FBXL7: variants seen among roughly 807,000 people sequenced by gnomAD.
FBXL7 encodes the protein F-box/LRR-repeat protein 7.
FBXL7 carries 12 observed loss-of-function variants against 38.3 expected under a neutral mutation model. The ratio of observed to expected loss-of-function variants is 0.31; its 90% CI spans 0.20 to 0.51. The LOEUF (loss-of-function observed/expected upper bound fraction) is 0.51, where lower values mean the gene tolerates loss of function less well. Ranked by LOEUF, FBXL7 falls within the 20% of genes least tolerant of loss-of-function variation. The pLI is 0.98. For synonymous variants in FBXL7, 297 were observed against 300.9 expected, an observed-to-expected ratio of 0.99 and a Z score of 0.13; for missense variants, 567 against 676.4, an observed-to-expected ratio of 0.84 and a Z score of 1.79.
intron 2 of FBXL7, among the ~76,000 whole-genome samples, chr5:15,751,015 T>A (rs1736141086): frequency 1.3e-5 from 2 of 152,178 alleles, no homozygotes; most frequent in Non-Finnish European, 2.9e-5. Context: ...GCTTTATACC[T>A]GTTCCATTGA....
chr5:15,625,124 G>A (rs753000756), intron 2 of FBXL7, among the ~76,000 whole-genome samples: 4 of 152,054 alleles, frequency 2.6e-5, no homozygotes, highest in African/African-American at 4.8e-5. Context: ...CAGACATTCT[G>A]TTATAGCAAC....
intron 1 of FBXL7, among the ~76,000 whole-genome samples, chr5:15,604,502 GT>G (rs1305191649): frequency 2.6e-5 from 4 of 152,102 alleles, no homozygotes; most frequent in African/African-American, 9.7e-5. Context: ...CTACAGGCGT[GT>G]GCCACCACAC....
intron 2 of FBXL7, among the ~76,000 whole-genome samples, chr5:15,666,845 G>C (rs1742299103): frequency 1.3e-5 from 2 of 152,154 alleles, no homozygotes; most frequent in Non-Finnish European, 2.9e-5. Flanking sequence ...AAAATAAAGT[G>C]AGATGGCTCT....
chr5:15,853,033 ATG>A (rs1739147740), intron 2 of FBXL7, among the ~76,000 whole-genome samples: 1 of 152,182 alleles, frequency 6.6e-6, no homozygotes, highest in African/African-American at 2.4e-5. Flanking sequence ...CCTCTTCTCT[ATG>A]AGGCAGATCA....
chr5:15,906,539 A>C (rs1014763413), intron 2 of FBXL7, among the ~76,000 whole-genome samples: 12 of 144,160 alleles, frequency 8.3e-5, no homozygotes, highest in Non-Finnish European at 1.8e-4. Context: ...ATTATACTCT[A>C]AGTTTTAGGG....
chr5:15,771,504 C>T (rs1200643838), intron 2 of FBXL7, among the ~76,000 whole-genome samples: 3 of 152,152 alleles, frequency 2.0e-5, no homozygotes, highest in Non-Finnish European at 4.4e-5. Flanking sequence ...ATATAATCAT[C>T]AGTACCTTGG....
At chr5:15,745,625 GA>G (rs1232741265) in intron 2 of FBXL7, among the ~76,000 whole-genome samples, 1 of 152,080 alleles carries the variant, frequency 6.6e-6, no homozygotes, top group Admixed American at 6.5e-5. Flanking sequence ...ATATGTCTAG[GA>G]AAAAAACATT....
chr5:15,752,670 T>G (rs1414055813), intron 2 of FBXL7, among the ~76,000 whole-genome samples: 1 of 152,236 alleles, frequency 6.6e-6, no homozygotes, highest in Non-Finnish European at 1.5e-5. Context: ...TAAAGGACTT[T>G]GCAGACTTCT....
At chr5:15,842,377 T>C (rs187490274) in intron 2 of FBXL7, among the ~76,000 whole-genome samples, 84 of 152,354 alleles carry the variant, frequency 5.5e-4, no homozygotes, top group Non-Finnish European at 9.0e-4. Flanking sequence ...ACCCAATACC[T>C]GTACCCACAT....
intron 2 of FBXL7, among the ~76,000 whole-genome samples, chr5:15,754,288 G>C (rs575476224): frequency 6.6e-6 from 1 of 152,312 alleles, no homozygotes; most frequent in South Asian, 2.1e-4. Flanking sequence ...CAATGGGCAA[G>C]TGCTACGAGT....
Position 15,937,241 on chromosome 5 carries a change from T to G in FBXL7, c.*55T>G. The G allele has an allele frequency of 6.8e-7, 1 of 1,473,152 alleles. No individual in the cohort carries two copies. Among genetic ancestry groups the G allele is most frequent in the Non-Finnish European group, 9.0e-7 (1 of 1,114,588 alleles). The allele number at this position is 1,473,152 out of a possible 1,614,324, so 91.3% of individuals were successfully genotyped here. A position where few individuals can be genotyped will look rare whatever the true frequency, so the allele number is the denominator to read the frequency against. Reference sequence around the variant, plus strand: ...ACACAAACCTGAACAAAGCAAATTTTTTTAAAAGCAGCGTATGTAAGCACC... The same window carrying G: ...ACACAAACCTGAACAAAGCAAATTTGTTTAAAAGCAGCGTATGTAAGCACC... On this transcript the variant is annotated 3_prime_UTR_variant, in exon 4 of 4. Transcript: ENST00000504595.
chr5:15,663,673 A>G (rs1007184149), intron 2 of FBXL7, among the ~76,000 whole-genome samples: 4 of 152,190 alleles, frequency 2.6e-5, no homozygotes, highest in Non-Finnish European at 5.9e-5. Flanking sequence ...GATGAAGCCT[A>G]CTTTATCGTG....
intron 2 of FBXL7, among the ~76,000 whole-genome samples, chr5:15,906,187 T>C (rs997178243): frequency 4.6e-5 from 7 of 152,124 alleles, no homozygotes; most frequent in African/African-American, 1.7e-4. Context: ...TTTTTAATGA[T>C]ATTGCAAAAT....
chr5:15,787,060 G>A (rs956207801), intron 2 of FBXL7, among the ~76,000 whole-genome samples: 1 of 152,150 alleles, frequency 6.6e-6, no homozygotes, highest in Non-Finnish European at 1.5e-5. Flanking sequence ...AACAGCTGGG[G>A]CCACCAGCAG....
At chr5:15,584,923 G>A (rs1347472736) in intron 1 of FBXL7, among the ~76,000 whole-genome samples, 1 of 152,212 alleles carries the variant, frequency 6.6e-6, no homozygotes, top group African/African-American at 2.4e-5. Flanking sequence ...GGAGAGAGCA[G>A]GGGAAACTGC....
chr5:15,532,127 C>T (rs1188810612), intron 1 of FBXL7, among the ~76,000 whole-genome samples: 1 of 152,114 alleles, frequency 6.6e-6, no homozygotes, highest in African/African-American at 2.4e-5. Context: ...GAAATGAAAC[C>T]ATGTGTGCCT....
intron 2 of FBXL7, among the ~76,000 whole-genome samples, chr5:15,729,074 C>T (rs1735502658): frequency 6.6e-6 from 1 of 152,062 alleles, no homozygotes; most frequent in African/African-American, 2.4e-5. Context: ...AGAAAAGGAA[C>T]TTCTACACCG....
At chr5:15,659,335 A>T (rs1293795284) in intron 2 of FBXL7, among the ~76,000 whole-genome samples, 1 of 149,478 alleles carries the variant, frequency 6.7e-6, no homozygotes, top group Non-Finnish European at 1.5e-5. Flanking sequence ...TTAGAAAAAC[A>T]ATAATTAAAA....
intron 2 of FBXL7, among the ~76,000 whole-genome samples, chr5:15,904,589 G>C (rs886284107): frequency 2.6e-5 from 4 of 152,020 alleles, no homozygotes; most frequent in Non-Finnish European, 5.9e-5. Flanking sequence ...AGGAATGCAA[G>C]ACACCCACAA....
Sources: allele counts gnomAD v4.1 joint callset (sites outside exome capture counted in the v4.1 genomes callset), GRCh38; gene constraint gnomAD v4.1.1; transcripts MANE v1.5; gene names NCBI Gene and HGNC (gene_info 2026-07-23, HGNC 2026-07-21).